The following NSRP1 variants were observed in gnomAD, a reference collection of about 807,000 sequenced individuals.
The protein encoded by NSRP1 is nuclear speckle splicing regulatory protein 1.
NSRP1 carries 24 observed loss-of-function variants against 54.7 expected under a neutral mutation model. The ratio of observed to expected loss-of-function variants is 0.44; its 90% CI spans 0.32 to 0.62. The LOEUF is 0.62. Ranked by LOEUF, NSRP1 falls within the 20% of genes least tolerant of loss-of-function variation. The probability of loss-of-function intolerance (pLI) is 0.06; values close to 1 mark genes in which losing one functional copy is unlikely to be tolerated. For synonymous variants in NSRP1, 210 were observed against 213.8 expected (o/e 0.98, Z 0.15); for missense variants, 596 against 651.2 (o/e 0.92, Z 0.92).
chr17:30,117,281 C>T, intron 1 of NSRP1: 1 of 585,692 alleles, frequency 1.7e-6, no homozygotes, highest in South Asian at 2.1e-5. Flanking sequence ...TCCTGATTCC[C>T]GCCCTTCCTT....
At chr17:30,167,905 A>T (rs1026958126) in intron 2 of NSRP1, among the ~76,000 whole-genome samples, 1 of 152,158 alleles carries the variant, frequency 6.6e-6, no homozygotes, top group Non-Finnish European at 1.5e-5. Flanking sequence ...GTACAGTTAT[A>T]ATAATACTTA....
At chr17:30,119,436 C>G (rs1221977049) in intron 2 of NSRP1, among the ~76,000 whole-genome samples, 2 of 152,018 alleles carry the variant, frequency 1.3e-5, no homozygotes, top group Admixed American at 1.3e-4. Flanking sequence ...TGGTCTTGAA[C>G]CTAACCTCAG....
chr17:30,153,421 A>G (rs1476566604), intron 2 of NSRP1, among the ~76,000 whole-genome samples: 1 of 152,102 alleles, frequency 6.6e-6, no homozygotes, highest in African/African-American at 2.4e-5. Flanking sequence ...AAACCAATCT[A>G]TGCTTACATT....
At chr17:30,160,064 G>T (rs886206348) in intron 2 of NSRP1, among the ~76,000 whole-genome samples, 13 of 152,134 alleles carry the variant, frequency 8.5e-5, no homozygotes, top group African/African-American at 2.9e-4. Context: ...TGATCATATG[G>T]TTTTTGTCTT....
chr17:30,158,656 G>T (rs949764977), intron 2 of NSRP1, among the ~76,000 whole-genome samples: 2 of 151,122 alleles, frequency 1.3e-5, no homozygotes, highest in African/African-American at 2.4e-5. Flanking sequence ...AGAGACAGGG[G>T]TTTAGTTTTA....
At chr17:30,148,200 A>T (rs1253255916) in intron 2 of NSRP1, among the ~76,000 whole-genome samples, 1 of 152,232 alleles carries the variant, frequency 6.6e-6, no homozygotes, top group Non-Finnish European at 1.5e-5. Flanking sequence ...CCTGTGGTTC[A>T]TTAATATGGT....
chr17:30,138,915 T>G (rs915806090), intron 2 of NSRP1, among the ~76,000 whole-genome samples: 7 of 128,314 alleles, frequency 5.5e-5, no homozygotes, highest in African/African-American at 1.8e-4. Context: ...TAGCGTTTTT[T>G]TTTTTTTTTT....
intron 2 of NSRP1, among the ~76,000 whole-genome samples, chr17:30,122,952 A>T (rs548935922): frequency 8.6e-5 from 13 of 151,782 alleles, no homozygotes; most frequent in South Asian, 4.2e-4. Context: ...ACCTTTTTTT[A>T]AAAAAAATTT....
At chr17:30,117,889 GA>G in intron 1 of NSRP1, 190 bp from the exon 2 acceptor site, 1 of 500,914 alleles carries the variant, frequency 2.0e-6, no homozygotes, top group Non-Finnish European at 3.6e-6. Context: ...TGATCACTTA[GA>G]GTAGTAATTA....
intron 2 of NSRP1, chr17:30,122,364 TATATATATATATATATATATA>T (rs1326208573): frequency 3.8e-4 from 9 of 23,668 alleles, no homozygotes; most frequent in South Asian, 3.4e-3. Context: ...TATATATATA[TATATATATATATATATATATA>T]TTTTTTTTTT....
At chr17:30,180,749 T>C (rs187224818) in intron 5 of NSRP1, among the ~76,000 whole-genome samples, 159 bp from the exon 6 acceptor site, 2 of 152,330 alleles carry the variant, frequency 1.3e-5, no homozygotes, top group Admixed American at 6.5e-5. Context: ...TAAAAATTTA[T>C]TTATGAAAAC....
In NSRP1 at chr17:30,185,151, A is replaced by G; in HGVS notation, c.1154A>G (p.Glu385Gly). Residue 385 changes from glutamate (E) to glycine (G), a missense_variant, in exon 7 of 7, where the codon GAG becomes GGG. Coordinates refer to ENST00000247026, the MANE Select transcript of NSRP1 (RefSeq NM_032141.4). ...GTATGGAAAAGGGAGAAAGATAGGG[A>G]GAAATATTCCCAAAGAGAACAAGAA... ...DRVWKREKDR[E>G]KYSQREQERD... is the part of the protein sequence containing the mutation. 6.3e-7 allele frequency: 1 copy of G among 1,594,000 alleles called. No individual in the cohort carries two copies. The highest frequency in any genetic ancestry group is 8.5e-7 in the Non-Finnish European group (1 of 1,169,618).
chr17:30,118,028 T>C, intron 1 of NSRP1, 52 bp from the exon 2 acceptor site: 3 of 1,404,970 alleles, frequency 2.1e-6, no homozygotes, highest in Non-Finnish European at 2.0e-6. Flanking sequence ...GATGTATTTG[T>C]TAACATTTAA....
At position 30,186,195 on chromosome 17, in the gene NSRP1, T is replaced by C. The variant is rs1283172261; in HGVS notation, c.*521T>C. Reference sequence around the variant, plus strand: ...CAAGAAGATCACTTGAGCCTAGGAATTTGATGTTACAGTGAGGTATGATCA... The same window carrying C: ...CAAGAAGATCACTTGAGCCTAGGAACTTGATGTTACAGTGAGGTATGATCA... On this transcript the variant is annotated 3_prime_UTR_variant, in exon 7 of 7. Transcript: ENST00000247026. 6.6e-6 allele frequency: 1 copy of C among 152,224 alleles called. No homozygotes were observed. The highest frequency in any genetic ancestry group is 6.5e-5 in the Admixed American group (1 of 15,278). The allele number at this position is 152,224 out of a possible 1,614,324, so 9.4% of individuals were successfully genotyped here. A position where few individuals can be genotyped will look rare whatever the true frequency, so the allele number is the denominator to read the frequency against.
At chr17:30,148,555 C>G (rs1003749816) in intron 2 of NSRP1, among the ~76,000 whole-genome samples, 1 of 152,138 alleles carries the variant, frequency 6.6e-6, no homozygotes, top group Non-Finnish European at 1.5e-5. Context: ...GGTTCAGAGT[C>G]TTTATTGTAT....
At chr17:30,119,785 G>T (rs561550440) in intron 2 of NSRP1, among the ~76,000 whole-genome samples, 44 of 152,334 alleles carry the variant, frequency 2.9e-4, no homozygotes, top group African/African-American at 9.9e-4. Flanking sequence ...TTACAGGCAT[G>T]ACCCACTGTG....
Position 30,186,258 on chromosome 17 carries a change from C to T in NSRP1, c.*584C>T, listed in dbSNP as rs1469355111. 1 of 152,148 alleles carries T rather than the reference C, an allele frequency of 6.6e-6. No homozygotes were observed. Among genetic ancestry groups the T allele is most frequent in the Admixed American group, 6.5e-5 (1 of 15,278 alleles). The allele number at this position is 152,148 out of a possible 1,614,324, so 9.4% of individuals were successfully genotyped here. A position where few individuals can be genotyped will look rare whatever the true frequency, so the allele number is the denominator to read the frequency against. ...CCAACCTGGGCAACAGAATGAGACC[C>T]TGTCTCTAAAAAATTTTTTTTAAAT... On this transcript the variant is annotated 3_prime_UTR_variant, in exon 7 of 7. Transcript: ENST00000247026.
At position 30,139,163 on chromosome 17, in the gene NSRP1, C is replaced by T. The variant is rs566531931; in HGVS notation, c.114+20990C>T. The stretch of plus-strand genomic sequence containing the variant: ...CAATCTCCTGACCTCCTGATCCAAC[C>T]GCCTCAGCCTCCCAAAGTGCTGGGA... On this transcript the variant is annotated intron_variant, in intron 2 of 6. Coordinates refer to ENST00000247026, the MANE Select transcript of NSRP1 (RefSeq NM_032141.4). 3.5e-3 allele frequency among the ~76,000 whole-genome samples: 534 copies of T among 151,930 alleles called. 4 individuals carry two copies. Among genetic ancestry groups the T allele is most frequent in the Non-Finnish European group, 6.1e-3 (417 of 67,972 alleles).
At chr17:30,119,385 A>T (rs551165825) in intron 2 of NSRP1, among the ~76,000 whole-genome samples, 1 of 151,128 alleles carries the variant, frequency 6.6e-6, no homozygotes, top group South Asian at 2.1e-4. Context: ...GCTAATTTTT[A>T]TATTTTTAGG....
Sources: gnomAD v4.1 joint callset for allele counts (sites outside exome capture counted in the v4.1 genomes callset) on GRCh38, gnomAD v4.1.1 for gene constraint, MANE v1.5 for transcripts, NCBI Gene and HGNC (gene_info 2026-07-23, HGNC 2026-07-21) for gene names.